AHI1: variants seen among roughly 807,000 people sequenced by gnomAD.
AHI1 encodes the protein jouberin.
A neutral mutation model predicts 149.3 loss-of-function variants in AHI1; 123 were observed. The ratio of observed to expected loss-of-function variants is 0.82; its 90% confidence interval spans 0.71 to 0.96. AHI1 has a LOEUF of 0.96. Among genes scored for constraint, AHI1 ranks in the 40% least tolerant of loss-of-function variants. AHI1 has a pLI of 0.00. For missense variants in AHI1, 1,439 were observed against 1,422.7 expected (o/e 1.01, Z -0.18); for synonymous variants, 475 against 459.8 (o/e 1.03, Z -0.42).
At chr6:135,472,140 A>C (rs1467555323) in intron 5 of AHI1, among the ~76,000 whole-genome samples, 1 of 151,988 alleles carries the variant, frequency 6.6e-6, no homozygotes, top group African/African-American at 2.4e-5. Context: ...CCACCACCAT[A>C]ATCATGACAT....
intron 17 of AHI1, 54 bp from the exon 18 acceptor site, chr6:135,430,054 T>C (rs1384932643): frequency 1.6e-5 from 15 of 919,230 alleles, no homozygotes; most frequent in Non-Finnish European, 2.5e-5. Context: ...ATGTTAAACT[T>C]TTTTGGGGGT....
intron 20 of AHI1, among the ~76,000 whole-genome samples, chr6:135,426,482 C>A (rs1783925824): frequency 6.6e-6 from 1 of 151,584 alleles, no homozygotes; most frequent in Non-Finnish European, 1.5e-5. Flanking sequence ...ACTTAACTTT[C>A]CATAAGCAAA....
In AHI1 at chr6:135,462,698, C is replaced by T. The variant is rs376169650; in HGVS notation, c.931+427G>A. Among the ~76,000 whole-genome samples, 7 of 152,138 alleles carry T rather than the reference C, an allele frequency of 4.6e-5. No homozygotes were observed. In the East Asian group the frequency reaches 9.6e-4, roughly 21 times the overall value. ...GGTGGATCACTTGAGGTCATGAGTT[C>T]GAGACCAGCTTGGCCAACATGGTGA... On this transcript the variant is annotated intron_variant, in intron 8 of 28. Transcript: ENST00000265602.
intron 23 of AHI1, among the ~76,000 whole-genome samples, chr6:135,377,041 A>C (rs1355382939): frequency 6.6e-6 from 1 of 152,074 alleles, no homozygotes; most frequent in Non-Finnish European, 1.5e-5. Flanking sequence ...GCTGAATAAA[A>C]TAAGCAAGCA....
chr6:135,423,761 C>G (rs1364213744), intron 20 of AHI1, among the ~76,000 whole-genome samples: 1 of 152,060 alleles, frequency 6.6e-6, no homozygotes, highest in Non-Finnish European at 1.5e-5. Flanking sequence ...GTCCTCTGAA[C>G]CAGAGTTGAT....
At chr6:135,353,059 C>T (rs1033641082) in intron 24 of AHI1, among the ~76,000 whole-genome samples, 1 of 151,506 alleles carries the variant, frequency 6.6e-6, no homozygotes, top group Non-Finnish European at 1.5e-5. Context: ...AACATAAATG[C>T]CAGTGGAGTA....
At chr6:135,407,861 A>T (rs1254231988) in intron 21 of AHI1, among the ~76,000 whole-genome samples, 1 of 148,972 alleles carries the variant, frequency 6.7e-6, no homozygotes, top group East Asian at 1.9e-4. Flanking sequence ...AAATACAAAA[A>T]GCCTACTAAA....
chr6:135,310,006 T>C (rs188301716), intron 26 of AHI1, among the ~76,000 whole-genome samples: 94 of 152,166 alleles, frequency 6.2e-4, no homozygotes, highest in Admixed American at 1.9e-3. Flanking sequence ...AGTAAAAAAA[T>C]ACAAATTGAT....
chr6:135,400,452 G>A (rs899493582), intron 22 of AHI1, among the ~76,000 whole-genome samples: 2 of 151,210 alleles, frequency 1.3e-5, no homozygotes, highest in Non-Finnish European at 2.9e-5. Flanking sequence ...GGTAGGTGAT[G>A]TAATACTTCA....
intron 8 of AHI1, among the ~76,000 whole-genome samples, chr6:135,458,893 T>C (rs948556779): frequency 3.3e-5 from 5 of 152,188 alleles, no homozygotes; most frequent in Non-Finnish European, 4.4e-5. Context: ...AGAAGGGCGC[T>C]GCATTATGAT....
chr6:135,497,732 C>CG lies in AHI1; in HGVS notation c.-352dup. ...CGACCCGTGTCCTGAAAGCAAGCCG[C>CG]GGCTCTGTGCCGCAGTGCGGACAGC... On this transcript the variant is annotated 5_prime_UTR_variant, in exon 1 of 29. Coordinates refer to ENST00000265602, the MANE Select transcript of AHI1 (RefSeq NM_001134831.2). 5.7e-6 allele frequency: 1 copy of CG among 174,566 alleles called. No individual in the cohort carries two copies. Among genetic ancestry groups the CG allele is most frequent in the South Asian group, 7.6e-5 (1 of 13,154 alleles). The allele number at this position is 174,566 out of a possible 1,614,324, so 10.8% of individuals were successfully genotyped here.
intron 5 of AHI1, among the ~76,000 whole-genome samples, chr6:135,473,826 C>G (rs190151514): frequency 1.3e-5 from 2 of 152,150 alleles, no homozygotes; most frequent in Non-Finnish European, 2.9e-5. Flanking sequence ...ACACATTGAC[C>G]ATATATTCTG....
At chr6:135,443,308 T>C (rs1247695604) in intron 13 of AHI1, among the ~76,000 whole-genome samples, 1 of 152,220 alleles carries the variant, frequency 6.6e-6, no homozygotes, top group Non-Finnish European at 1.5e-5. Context: ...AAGCCCAAAT[T>C]TTCTGGGTAT....
In AHI1 at chr6:135,465,906, A is replaced by C. The variant is rs1275469965; in HGVS notation, c.657T>G (p.Phe219Leu). The C allele has an allele frequency of 6.3e-7, 1 of 1,591,656 alleles. No homozygotes were observed. The highest frequency in any genetic ancestry group is 1.4e-5 in the African/African-American group (1 of 73,814). Reference sequence around the variant, plus strand: ...CATCATGGAATAAAGTATCTGAGGGAAAGTAAGTCAACTGTTCTTTCAGTT... The same window carrying C: ...CATCATGGAATAAAGTATCTGAGGGCAAGTAAGTCAACTGTTCTTTCAGTT... ...RKKLKEQLTY[F>L]PSDTLFHDDK... The change falls in exon 7 of 29, where the codon TTT becomes TTG. Residue 219 changes from phenylalanine to leucine, a missense_variant. By Grantham distance (22) the Phe-to-Leu change is conservative (BLOSUM62 0). Transcript: ENST00000265602.
intron 23 of AHI1, among the ~76,000 whole-genome samples, chr6:135,383,226 C>CTTTCTTTTT (rs1777104011): frequency 1.3e-5 from 1 of 76,870 alleles, no homozygotes; most frequent in Admixed American, 1.9e-4. Context: ...TCCCCCCTCC[C>CTTTCTTTTT]TTTTTTTTTT....
chr6:135,490,949 C>A (rs1316739205), intron 4 of AHI1, among the ~76,000 whole-genome samples: 1 of 152,040 alleles, frequency 6.6e-6, no homozygotes, highest in African/African-American at 2.4e-5. Context: ...TCCCTCTGAC[C>A]TTTTTGGCCA....
At chr6:135,300,350 A>T (rs916807830) in intron 27 of AHI1, 150 bp downstream of exon 27, 1 of 951,026 alleles carries the variant, frequency 1.1e-6, no homozygotes, top group African/African-American at 1.8e-5. Context: ...AGAAAAAAAA[A>T]TCGTAAACAA....
Position 135,358,170 on chromosome 6 carries a change from T to C in AHI1, c.3127A>G (p.Arg1043Gly), listed in dbSNP as rs1353806843. 9 of 1,612,940 alleles carry C rather than the reference T, an allele frequency of 5.6e-6. No individual in the cohort carries two copies. The highest frequency in any genetic ancestry group is 1.6e-4 in the Middle Eastern group (1 of 6,078). The change falls in exon 24 of 29, where the codon AGA becomes GGA. Residue 1043 changes from arginine (R) to glycine (G), a missense_variant. Coordinates refer to ENST00000265602, the MANE Select transcript of AHI1 (RefSeq NM_001134831.2). Reference protein sequence around the residue: ...FTQTGIISIERKPCNHQVDTA... With the variant: ...FTQTGIISIEGKPCNHQVDTA... ...TCTACCTGATGGTTACAAGGCTTTC[T>C]TTCTATGCTGATAATCCCTGTGGAA... is the stretch of plus-strand genomic sequence containing the variant.
intron 25 of AHI1, among the ~76,000 whole-genome samples, chr6:135,319,443 C>G (rs545328540): frequency 2.0e-5 from 3 of 152,016 alleles, no homozygotes; most frequent in African/African-American, 7.2e-5. Flanking sequence ...CCACTGCACT[C>G]CAGCCTGGGA....
Sources: allele counts gnomAD v4.1 joint callset (sites outside exome capture counted in the v4.1 genomes callset), GRCh38; gene constraint gnomAD v4.1.1; transcripts MANE v1.5; gene names NCBI Gene and HGNC (gene_info 2026-07-23, HGNC 2026-07-21).